The following UHRF2 variants were observed in gnomAD, a reference collection of about 807,000 sequenced individuals.
The protein encoded by UHRF2 is ubiquitin like with PHD and ring finger domains 2, also known as E3 ubiquitin-protein ligase UHRF2.
In UHRF2, 23 loss-of-function variants were observed where a neutral mutation model predicts 96.8. The observed-to-expected ratio is 0.24, with a 90% CI of 0.17 to 0.34. The LOEUF (loss-of-function observed/expected upper bound fraction) is 0.34, where lower values mean the gene tolerates loss of function less well. UHRF2 is among the 10% of genes least tolerant of loss of function. The probability of loss-of-function intolerance (pLI) is 1.00; values close to 1 mark genes in which losing one functional copy is unlikely to be tolerated. For synonymous variants in UHRF2, 385 were observed against 332.6 expected (o/e 1.16, Z -1.72); for missense variants, 685 against 981.5 (o/e 0.70, Z 4.04).
Position 6,504,032 on chromosome 9 carries a change from T to TC in UHRF2, c.2164-561_2164-560insC, listed in dbSNP as rs1161913430. Among the ~76,000 whole-genome samples, 4 of 142,874 alleles carry TC rather than the reference T, an allele frequency of 2.8e-5. No homozygotes were observed. The East Asian group carries it at 7.9e-4, about 28-fold the overall frequency. 93.7% of individuals were successfully genotyped at this position (142,874 alleles called of 152,430 possible). On this transcript the variant is annotated intron_variant, in intron 14 of 15. Transcript: ENST00000276893. ...ATAGAAGACTTTTTTTTTTTTTTTTTTTTTTTTTTTTAAGACCGAGTCTCG... is the reference window on the plus strand; with the variant it reads ...ATAGAAGACTTTTTTTTTTTTTTTTTCTTTTTTTTTTTAAGACCGAGTCTCG...
chr9:6,448,259 A>G (rs1276557683), intron 3 of UHRF2, among the ~76,000 whole-genome samples: 1 of 152,254 alleles, frequency 6.6e-6, no homozygotes, highest in Non-Finnish European at 1.5e-5. Context: ...AGTAACAACC[A>G]AAAAGAGCAA....
chr9:6,503,202 G>A lies in UHRF2; in HGVS notation c.2164-1391G>A, dbSNP rs187361452. On this transcript the variant is annotated intron_variant, in intron 14 of 15. Coordinates refer to ENST00000276893, the MANE Select transcript of UHRF2 (RefSeq NM_152896.3). ...TCTAGAGACGGTTTTGGCCATGTTGGCCAGGTTGGTCTAGCACTCCTGACC... is the reference window on the plus strand; with the variant it reads ...TCTAGAGACGGTTTTGGCCATGTTGACCAGGTTGGTCTAGCACTCCTGACC... 2.2e-3 allele frequency among the ~76,000 whole-genome samples: 339 copies of A among 152,110 alleles called. 1 individual carries two copies. Among genetic ancestry groups the A allele is most frequent in the Non-Finnish European group, 3.6e-3 (244 of 67,998 alleles).
chr9:6,491,929 C>G (rs191612526), intron 9 of UHRF2, among the ~76,000 whole-genome samples: 1 of 152,164 alleles, frequency 6.6e-6, no homozygotes. Flanking sequence ...GACAAGGTCT[C>G]GCTATGTCAC....
At chr9:6,488,540 C>CTTTTTTTTTTT (rs58280407) in intron 9 of UHRF2, among the ~76,000 whole-genome samples, 865 of 83,678 alleles carry the variant, frequency 0.01, no homozygotes, top group Non-Finnish European at 0.012. Context: ...TTTTTCTTTT[C>CTTTTTTTTTTT]TTTTTTTTTT....
intron 4 of UHRF2, among the ~76,000 whole-genome samples, chr9:6,470,297 T>C (rs1823166381): frequency 6.6e-6 from 1 of 150,840 alleles, no homozygotes; most frequent in African/African-American, 2.4e-5. Context: ...TGCTTGATCC[T>C]GGGAGGTGGA....
chr9:6,490,060 A>C (rs1045449641), intron 9 of UHRF2, among the ~76,000 whole-genome samples: 1 of 152,176 alleles, frequency 6.6e-6, no homozygotes, highest in Admixed American at 6.6e-5. Flanking sequence ...CAGCTCTTGG[A>C]ATTTTTTGAA....
chr9:6,427,450 G>A (rs1172278536), intron 2 of UHRF2, among the ~76,000 whole-genome samples: 1 of 152,178 alleles, frequency 6.6e-6, no homozygotes, highest in Admixed American at 6.5e-5. Context: ...ACTTTGGGAG[G>A]TCGAGGCAGG....
intron 2 of UHRF2, among the ~76,000 whole-genome samples, chr9:6,430,000 A>G (rs909141109): frequency 6.6e-6 from 1 of 152,122 alleles, no homozygotes; most frequent in Non-Finnish European, 1.5e-5. Context: ...GACAGGGGAA[A>G]CTTTTTGTCT....
chr9:6,455,900 C>G (rs1822146320), intron 3 of UHRF2, among the ~76,000 whole-genome samples: 1 of 152,174 alleles, frequency 6.6e-6, no homozygotes, highest in African/African-American at 2.4e-5. Context: ...AAGAGGATTG[C>G]TTGAGCCTGG....
intron 8 of UHRF2, among the ~76,000 whole-genome samples, chr9:6,485,905 G>A (rs756497866): frequency 1.0e-4 from 15 of 150,440 alleles, no homozygotes; most frequent in Non-Finnish European, 1.6e-4. Context: ...TCACAAAGAA[G>A]TGACACTTGT....
chr9:6,461,171 G>T (rs1253670709), intron 4 of UHRF2, among the ~76,000 whole-genome samples: 1 of 152,208 alleles, frequency 6.6e-6, no homozygotes, highest in East Asian at 1.9e-4. Context: ...CCAGCTGTCT[G>T]CTGGACTTCT....
chr9:6,466,412 C>T (rs1386665269), intron 4 of UHRF2, among the ~76,000 whole-genome samples: 7 of 152,096 alleles, frequency 4.6e-5, no homozygotes, highest in Admixed American at 3.3e-4. Context: ...TGCTGGTGCA[C>T]GCCTGTAATT....
At chr9:6,470,111 C>T (rs998827085) in intron 4 of UHRF2, among the ~76,000 whole-genome samples, 8 of 152,222 alleles carry the variant, frequency 5.3e-5, no homozygotes, top group African/African-American at 1.7e-4. Context: ...TGGCTCACGC[C>T]TATATAATCG....
At chr9:6,446,159 A>ATT (rs35314530) in intron 3 of UHRF2, among the ~76,000 whole-genome samples, 17 of 147,024 alleles carry the variant, frequency 1.2e-4, no homozygotes, top group Admixed American at 2.0e-4. Flanking sequence ...CACCTGGATA[A>ATT]TTTTTTTTTT....
chr9:6,482,869 G>C (rs1391107579), intron 8 of UHRF2, among the ~76,000 whole-genome samples: 2 of 152,160 alleles, frequency 1.3e-5, no homozygotes, highest in African/African-American at 4.8e-5. Context: ...ACAGGCATGA[G>C]CCACTGCGCC....
Position 6,477,772 on chromosome 9 carries a change from A to G in UHRF2, c.1124A>G (p.Asn375Ser), listed in dbSNP as rs1306438719. The G allele has an allele frequency of 1.5e-5, 24 of 1,612,374 alleles. No homozygotes were observed. Among genetic ancestry groups the G allele is most frequent in the Non-Finnish European group, 2.0e-5 (23 of 1,179,018 alleles). The change falls in exon 6 of 16, where the codon AAT becomes AGT. Residue 375 changes from asparagine to serine, a missense_variant. By Grantham distance (46) the Asn-to-Ser change is conservative. Transcript: ENST00000276893. ...CNVAYHIYCL[N>S]PPLDKVPEEE... ...GTGGCTTATCATATTTACTGTCTGA[A>G]TCCACCTTTGGATAAAGTCCCAGAA...
intron 4 of UHRF2, among the ~76,000 whole-genome samples, chr9:6,469,772 G>GTGTGTATATATATGTATATA (rs1028452506): frequency 2.0e-5 from 3 of 146,876 alleles, no homozygotes; most frequent in South Asian, 2.1e-4. Context: ...ACGTATATAT[G>GTGTGTATATATATGTATATA]TGTGTATATA....
At chr9:6,470,486 A>G (rs1823176671) in intron 4 of UHRF2, among the ~76,000 whole-genome samples, 1 of 152,222 alleles carries the variant, frequency 6.6e-6, no homozygotes, top group South Asian at 2.1e-4. Flanking sequence ...GACAGGCACT[A>G]AGAGAAATAA....
At chr9:6,413,752 G>A in intron 1 of UHRF2, 109 bp downstream of exon 1, 1 of 1,279,794 alleles carries the variant, frequency 7.8e-7, no homozygotes, top group South Asian at 2.1e-5. Context: ...GGGCTCACCT[G>A]GCTCCGCTGC....
Sources: allele counts gnomAD v4.1 joint callset (sites outside exome capture counted in the v4.1 genomes callset), GRCh38; gene constraint gnomAD v4.1.1; transcripts MANE v1.5; gene names NCBI Gene and HGNC (gene_info 2026-07-23, HGNC 2026-07-21).